CSNK1G1: variants seen among roughly 807,000 people sequenced by gnomAD.
CSNK1G1 encodes the protein casein kinase I isoform gamma-1.
A neutral mutation model predicts 59.6 loss-of-function variants in CSNK1G1; 22 were observed. The ratio of observed to expected loss-of-function variants is 0.37; its 90% CI spans 0.26 to 0.53. The LOEUF is 0.53. CSNK1G1 is among the 20% of genes least tolerant of loss of function. CSNK1G1 has a pLI of 0.89. For synonymous variants in CSNK1G1, 179 were observed against 177.1 expected (o/e 1.01, Z -0.08); for missense variants, 384 against 519.5 (o/e 0.74, Z 2.54).
intron 2 of CSNK1G1, among the ~76,000 whole-genome samples, chr15:64,287,021 A>T (rs1894463800): frequency 3.9e-5 from 6 of 152,172 alleles, no homozygotes; most frequent in Admixed American, 3.9e-4. Flanking sequence ...TCTTTGTATT[A>T]TAATTAGACA....
rs187348377 is a variant in CSNK1G1 at position 64,277,709 on chromosome 15, T to C, written c.182-18468A>G. ...AATATTGATATATTTAATAATATAT[T>C]AATATTGATATATTTAATAATATAT... On this transcript the variant is annotated intron_variant, in intron 2 of 11. Transcript: ENST00000303052. Among the ~76,000 whole-genome samples the C allele has an allele frequency of 2.9e-3, 289 of 100,484 alleles. 43 individuals are homozygous for C. Among genetic ancestry groups the C allele is most frequent in the East Asian group, 0.02 (43 of 2,138 alleles). The allele number at this position is 100,484 out of a possible 152,430, so 65.9% of individuals were successfully genotyped here. A position where few individuals can be genotyped will look rare whatever the true frequency, so the allele number is the denominator to read the frequency against.
intron 11 of CSNK1G1, among the ~76,000 whole-genome samples, chr15:64,177,353 T>G (rs1007949280): frequency 6.6e-6 from 1 of 152,196 alleles, no homozygotes; most frequent in African/African-American, 2.4e-5. Context: ...CTGTGACTTC[T>G]TCCCATGAAA....
chr15:64,209,836 C>T (rs1236120232), intron 6 of CSNK1G1, among the ~76,000 whole-genome samples: 3 of 152,110 alleles, frequency 2.0e-5, no homozygotes, highest in African/African-American at 2.4e-5. Context: ...TTTTTATATC[C>T]ACTTCCTGTA....
rs147934114 is a variant in CSNK1G1 at position 64,236,035 on chromosome 15, C to T, written c.292+15477G>A. On this transcript the variant is annotated intron_variant, in intron 4 of 11. Coordinates refer to ENST00000303052, the MANE Select transcript of CSNK1G1 (RefSeq NM_022048.5). ...GCACATGCCTGTAATAACAACTACT[C>T]GGGAGGCTGAGGCAGGAGAATCGCT... is the stretch of plus-strand genomic sequence containing the variant. Among the ~76,000 whole-genome samples, 1,302 of 150,402 alleles carry T rather than the reference C, an allele frequency of 8.7e-3. 21 individuals are homozygous for T. The highest frequency in any genetic ancestry group is 0.029 in the African/African-American group (1,207 of 40,956).
chr15:64,182,065 T>G (rs1057143998), intron 10 of CSNK1G1, among the ~76,000 whole-genome samples: 8 of 137,792 alleles, frequency 5.8e-5, no homozygotes, highest in South Asian at 2.5e-4. Context: ...TTTTTTTTTT[T>G]TTTTTTTTTT....
intron 5 of CSNK1G1, among the ~76,000 whole-genome samples, chr15:64,215,192 C>T (rs1422596520): frequency 6.9e-6 from 1 of 143,984 alleles, no homozygotes; most frequent in Non-Finnish European, 1.5e-5. Flanking sequence ...ATCTACTAAG[C>T]TTTTCTACTA....
At chr15:64,217,386 T>C (rs2082325734) in intron 4 of CSNK1G1, among the ~76,000 whole-genome samples, 1 of 152,218 alleles carries the variant, frequency 6.6e-6, no homozygotes, top group African/African-American at 2.4e-5. Context: ...GATTTGAAAT[T>C]CATAACTATT....
At chr15:64,185,153 T>C (rs1337651987) in intron 10 of CSNK1G1, among the ~76,000 whole-genome samples, 2 of 152,232 alleles carry the variant, frequency 1.3e-5, no homozygotes, top group Non-Finnish European at 2.9e-5. Context: ...GGTCTGCCCA[T>C]TAAATATGTT....
At position 64,300,196 on chromosome 15, in the gene CSNK1G1, TAAC is replaced by T. The variant is rs1356822803; in HGVS notation, c.181+120_181+122del. The T allele has an allele frequency of 1.2e-4, 101 of 866,354 alleles. 1 individual carries two copies. In the Middle Eastern group the frequency reaches 1.5e-3, roughly 13 times the overall value. The allele number at this position is 866,354 out of a possible 1,614,324, so 53.7% of individuals were successfully genotyped here. On this transcript the variant is annotated intron_variant, in intron 2 of 11. Transcript: ENST00000303052. ...TAGTGCCCCTTCACAAATTATTTCT[TAAC>T]AACAGGTTCTCCTTAAGAAAAATTT...
chr15:64,218,637 C>T (rs2082343952), intron 4 of CSNK1G1, among the ~76,000 whole-genome samples: 1 of 152,088 alleles, frequency 6.6e-6, no homozygotes, highest in Non-Finnish European at 1.5e-5. Flanking sequence ...GATCCATCCA[C>T]CTCAGCCTCC....
intron 4 of CSNK1G1, among the ~76,000 whole-genome samples, chr15:64,236,469 TA>T (rs1456740778): frequency 1.1e-4 from 16 of 152,050 alleles, no homozygotes; most frequent in Non-Finnish European, 1.9e-4. Flanking sequence ...TAATCCAATT[TA>T]AAAGTGGGAA....
chr15:64,225,945 C>T (rs556988079), intron 4 of CSNK1G1, among the ~76,000 whole-genome samples: 1 of 152,232 alleles, frequency 6.6e-6, no homozygotes, highest in South Asian at 2.1e-4. Context: ...TCTTTTAATT[C>T]AATAAAAACC....
rs1176357536 is a variant in CSNK1G1 at position 64,278,424 on chromosome 15, A to G, written c.182-19183T>C. On this transcript the variant is annotated intron_variant, in intron 2 of 11. Transcript: ENST00000303052. ...TGTGTGTGTGTGTGTGTGTGTATATATATATATATTTTTTTTTTTTTGGAC... is the reference window on the plus strand; with the variant it reads ...TGTGTGTGTGTGTGTGTGTGTATATGTATATATATTTTTTTTTTTTTGGAC... Among the ~76,000 whole-genome samples the G allele has an allele frequency of 2.5e-3, 273 of 108,610 alleles. 1 individual carries two copies. The highest frequency in any genetic ancestry group is 8.7e-3 in the African/African-American group (196 of 22,536). 71.3% of individuals were successfully genotyped at this position (108,610 alleles called of 152,430 possible).
intron 1 of CSNK1G1, among the ~76,000 whole-genome samples, chr15:64,343,080 C>T (rs1458580830): frequency 6.6e-6 from 1 of 152,070 alleles, no homozygotes; most frequent in Non-Finnish European, 1.5e-5. Context: ...GGTGTGGTGG[C>T]GCATGCCTGT....
At position 64,356,097 on chromosome 15, in the gene CSNK1G1, C is replaced by G. The variant is rs890123276; in HGVS notation, c.-334G>C. ...CGGTGGTTTCTCTCTTTCCCAGGAG[C>G]GGGAGGGAGGGGAGAAGGCGGACGG... On this transcript the variant is annotated 5_prime_UTR_variant, in exon 1 of 12. Transcript: ENST00000303052. 2 of 152,172 alleles carry G rather than the reference C, an allele frequency of 1.3e-5. No individual in the cohort carries two copies. Among genetic ancestry groups the G allele is most frequent in the African/African-American group, 4.8e-5 (2 of 41,430 alleles). The allele number at this position is 152,172 out of a possible 1,614,324, so 9.4% of individuals were successfully genotyped here.
At chr15:64,327,630 A>G (rs1896918804) in intron 1 of CSNK1G1, among the ~76,000 whole-genome samples, 1 of 151,524 alleles carries the variant, frequency 6.6e-6, no homozygotes, top group Admixed American at 6.6e-5. Context: ...TCCTCCTCCA[A>G]AGGAACGCAG....
intron 2 of CSNK1G1, among the ~76,000 whole-genome samples, chr15:64,296,811 C>T (rs1408191659): frequency 6.6e-6 from 1 of 151,540 alleles, no homozygotes; most frequent in Non-Finnish European, 1.5e-5. Flanking sequence ...TTGCAGTGAG[C>T]CGAGATTGTG....
At position 64,352,580 on chromosome 15, in the gene CSNK1G1, G is replaced by A. The variant is rs1013596344; in HGVS notation, c.-225+3408C>T. ...CTTGCCTCAGCCTCCCGAGTAGCTG[G>A]GATTACAGGCATGCTCCATCATGCC... On this transcript the variant is annotated intron_variant, in intron 1 of 11. Transcript: ENST00000303052. Among the ~76,000 whole-genome samples the A allele has an allele frequency of 4.0e-5, 6 of 148,314 alleles. No individual in the cohort carries two copies. The East Asian group carries it at 1.1e-3, about 26-fold the overall frequency.
At chr15:64,309,143 C>T (rs1353283536) in intron 1 of CSNK1G1, among the ~76,000 whole-genome samples, 2 of 152,014 alleles carry the variant, frequency 1.3e-5, no homozygotes, top group Admixed American at 6.6e-5. Flanking sequence ...AATTACAGTG[C>T]CCCTCTTATG....
Sources: allele counts gnomAD v4.1 joint callset (sites outside exome capture counted in the v4.1 genomes callset), GRCh38; gene constraint gnomAD v4.1.1; transcripts MANE v1.5; gene names NCBI Gene and HGNC (gene_info 2026-07-23, HGNC 2026-07-21).